KCNT1: variants seen among roughly 807,000 people sequenced by gnomAD.
The protein encoded by KCNT1 is potassium channel subfamily T member 1.
Under a neutral mutation model 147.8 loss-of-function variants are expected in KCNT1, and 78 were observed. The observed-to-expected ratio is 0.53, with a 90% CI of 0.44 to 0.64. KCNT1 has a LOEUF of 0.64. Ranked by LOEUF, KCNT1 falls within the 30% of genes least tolerant of loss-of-function variation. The pLI, the probability that KCNT1 is intolerant of heterozygous loss-of-function variation, is 0.00. For synonymous variants in KCNT1, 867 were observed against 748.8 expected (o/e 1.16, Z -2.58); for missense variants, 1,419 against 1,750.3 (o/e 0.81, Z 3.38).
rs1442612185 is a variant in KCNT1 at position 135,730,239 on chromosome 9, C to T, written c.254+15519C>T. 6.6e-6 allele frequency among the ~76,000 whole-genome samples: 1 copy of T among 152,200 alleles called. No homozygotes were observed. The highest frequency in any genetic ancestry group is 1.9e-4 in the East Asian group (1 of 5,188). ...AAAGGGGTTCCCTGGACTCCCCCTTCGGAGCATCAGGTGTGGACCCATGGA... is the reference window on the plus strand; with the variant it reads ...AAAGGGGTTCCCTGGACTCCCCCTTTGGAGCATCAGGTGTGGACCCATGGA... On this transcript the variant is annotated intron_variant, in intron 2 of 30. Transcript: ENST00000371757. This position sits in a 1 kb window ranked among gnomAD's most constrained non-coding sequence, Gnocchi z 4.7.
intron 4 of KCNT1, among the ~76,000 whole-genome samples, chr9:135,751,548 G>T (rs61340584): frequency 6.6e-6 from 1 of 152,180 alleles, no homozygotes; most frequent in Admixed American, 6.5e-5. Flanking sequence ...AATCTGCACC[G>T]TCAGGTCCTT....
At position 135,752,193 on chromosome 9, in the gene KCNT1, C is replaced by A. The variant is rs1231784726; in HGVS notation, c.434+1152C>A. The A allele has an allele frequency of 1.9e-5, 7 of 360,628 alleles. No individual in the cohort carries two copies. In the Admixed American group the frequency reaches 2.2e-4, roughly 11 times the overall value. 22.3% of individuals were successfully genotyped at this position (360,628 alleles called of 1,614,324 possible). On this transcript the variant is annotated intron_variant, in intron 4 of 30. Transcript: ENST00000371757. This position sits in a 1 kb window ranked among gnomAD's most constrained non-coding sequence, Gnocchi z 5.1. The stretch of plus-strand genomic sequence containing the variant: ...CATGCTGGTCCCCCCTCTGGCTGCG[C>A]AGAGCAGGTTCTTCCCTGGAGAGAA...
In KCNT1 at chr9:135,745,387, C is replaced by T. The variant is rs368901059; in HGVS notation, c.255-4711C>T. 6.2e-3 allele frequency among the ~76,000 whole-genome samples: 951 copies of T among 152,322 alleles called. 8 individuals are homozygous for T. Among genetic ancestry groups the T allele is most frequent in the South Asian group, 0.039 (190 of 4,820 alleles). ...CCCCTGCTTTCCCACCGGCCGGGCC[C>T]TGACAGGAAGCGGAGAGTGTGGCCC... On this transcript the variant is annotated intron_variant, in intron 2 of 30. Coordinates refer to ENST00000371757, the MANE Select transcript of KCNT1 (RefSeq NM_020822.3).
At position 135,779,371 on chromosome 9, in the gene KCNT1, C is replaced by T. The variant is rs770289140; in HGVS notation, c.2742C>T (p.Ser914=). Residue 914 remains serine, a synonymous_variant, in exon 24 of 31, where the codon AGC becomes AGT. Coordinates refer to ENST00000371757, the MANE Select transcript of KCNT1 (RefSeq NM_020822.3). The part of the protein sequence containing the change: ...NVQTMFRLFP[S]LSITTELTHP... ...CTGCCTCCCCCAGGCTCTTCCCCAG[C>T]CTCAGCATCACCACGGAGCTCACCC... 6.2e-7 allele frequency: 1 copy of T among 1,613,246 alleles called. No individual in the cohort carries two copies. The highest frequency in any genetic ancestry group is 8.5e-7 in the Non-Finnish European group (1 of 1,179,640).
chr9:135,785,647 G>T (rs1308041978), intron 28 of KCNT1: 2 of 562,374 alleles, frequency 3.6e-6, no homozygotes, highest in Non-Finnish European at 6.4e-6. Flanking sequence ...GGCCTGACCA[G>T]CCCCCAGCCT....
intron 20 of KCNT1, 38 bp from the exon 21 acceptor site, chr9:135,777,300 G>T (rs755469388): frequency 7.6e-6 from 12 of 1,575,802 alleles, no homozygotes; most frequent in South Asian, 1.1e-5. Flanking sequence ...AGGAACCACA[G>T]CCCTGACTCC....
In KCNT1 at chr9:135,752,302, C is replaced by T. The variant is rs1023497753; in HGVS notation, c.434+1261C>T. 15 of 452,904 alleles carry T rather than the reference C, an allele frequency of 3.3e-5. No individual in the cohort carries two copies. The highest frequency in any genetic ancestry group is 2.9e-4 in the Admixed American group (12 of 41,764). 28.1% of individuals were successfully genotyped at this position (452,904 alleles called of 1,614,324 possible). On this transcript the variant is annotated intron_variant, in intron 4 of 30. Coordinates refer to ENST00000371757, the MANE Select transcript of KCNT1 (RefSeq NM_020822.3). The surrounding 1 kb of genome is among the most constrained non-coding windows in gnomAD (Gnocchi z 5.1). ...CTCAATCCCCCTTTTCACCTGTTAC[C>T]CCGTCACAAGGGGGCCTGGCATCCC...
intron 24 of KCNT1, among the ~76,000 whole-genome samples, chr9:135,781,739 C>T (rs533493760): frequency 5.5e-4 from 84 of 152,082 alleles, no homozygotes; most frequent in African/African-American, 1.9e-3. Flanking sequence ...ATTCCAGGCA[C>T]GACTCCGGAA....
chr9:135,714,555 G>A lies in KCNT1; in HGVS notation c.111-22G>A. 1 of 1,125,264 alleles carries A rather than the reference G, an allele frequency of 8.9e-7. No individual in the cohort carries two copies. The allele number at this position is 1,125,264 out of a possible 1,614,324, so 69.7% of individuals were successfully genotyped here. On this transcript the variant is annotated intron_variant, in intron 1 of 30. Transcript: ENST00000371757. The surrounding 1 kb of genome is among the most constrained non-coding windows in gnomAD (Gnocchi z 6.2). Reference sequence around the variant, plus strand: ...GCGAGGGCGCCCGACGCGGGCTGAGGGGCGCTGGCGTGTGCCCGCAGGCGG... The same window carrying A: ...GCGAGGGCGCCCGACGCGGGCTGAGAGGCGCTGGCGTGTGCCCGCAGGCGG...
In KCNT1 at chr9:135,718,709, T is replaced by C. The variant is rs558604289; in HGVS notation, c.254+3989T>C. Among the ~76,000 whole-genome samples, 49 of 152,288 alleles carry C rather than the reference T, an allele frequency of 3.2e-4. 1 individual carries two copies. The highest frequency in any genetic ancestry group is 1.2e-3 in the African/African-American group (48 of 41,574). On this transcript the variant is annotated intron_variant, in intron 2 of 30. Coordinates refer to ENST00000371757, the MANE Select transcript of KCNT1 (RefSeq NM_020822.3). ...TATTTCTACCCTGGGGCAGGCTCTGTGAGGGAAGCGGGTGCTGCTGCCAAC... is the reference window on the plus strand; with the variant it reads ...TATTTCTACCCTGGGGCAGGCTCTGCGAGGGAAGCGGGTGCTGCTGCCAAC...
intron 29 of KCNT1, among the ~76,000 whole-genome samples, chr9:135,786,943 G>A (rs1028509621): frequency 4.6e-5 from 7 of 152,352 alleles, no homozygotes; most frequent in East Asian, 3.9e-4. Flanking sequence ...TCCCCAAGTC[G>A]AGGGCATCAG....
intron 2 of KCNT1, among the ~76,000 whole-genome samples, chr9:135,726,942 C>T (rs201737959): frequency 6.0e-4 from 2 of 3,316 alleles, no homozygotes; most frequent in Admixed American, 3.4e-3. Flanking sequence ...CCTCCCTCTC[C>T]CTCTCTTTCC....
chr9:135,728,359 G>A (rs567838555), intron 2 of KCNT1, among the ~76,000 whole-genome samples: 6 of 152,318 alleles, frequency 3.9e-5, no homozygotes, highest in South Asian at 2.1e-4. Context: ...GGAGAACATC[G>A]GGGCAGATTC....
chr9:135,743,939 A>C (rs2131389436), intron 2 of KCNT1, among the ~76,000 whole-genome samples: 1 of 152,344 alleles, frequency 6.6e-6, no homozygotes, highest in Non-Finnish European at 1.5e-5. Context: ...GGCTCAGAAT[A>C]GCTGGCCCCA....
At chr9:135,719,696 C>G (rs1835851397) in intron 2 of KCNT1, among the ~76,000 whole-genome samples, 1 of 152,178 alleles carries the variant, frequency 6.6e-6, no homozygotes, top group South Asian at 2.1e-4. Context: ...GGGCTTCCGG[C>G]AGGCAAGAGG....
intron 24 of KCNT1, among the ~76,000 whole-genome samples, chr9:135,780,877 C>T (rs983878494): frequency 2.8e-4 from 43 of 152,234 alleles, no homozygotes; most frequent in Non-Finnish European, 5.1e-4. Context: ...CCTGTGTGGA[C>T]AGGGATGCTG....
At chr9:135,726,458 G>C in intron 2 of KCNT1, among the ~76,000 whole-genome samples, 1 of 152,076 alleles carries the variant, frequency 6.6e-6, no homozygotes, top group East Asian at 1.9e-4. Context: ...TGTGGCCAGG[G>C]CCGCATCTTT....
In KCNT1 at chr9:135,704,237, T is replaced by C. The variant is rs542752384; in HGVS notation, c.110+1869T>C. Among the ~76,000 whole-genome samples the C allele has an allele frequency of 2.6e-3, 400 of 152,092 alleles. 2 individuals carry two copies. Among genetic ancestry groups the C allele is most frequent in the Admixed American group, 4.1e-3 (62 of 15,292 alleles). ...GTCCATAGGTCTTGGTGCCAGGCCT[T>C]GAGCAGGCCTCTGTCTTTCCTGGGT... On this transcript the variant is annotated intron_variant, in intron 1 of 30. Transcript: ENST00000371757.
chr9:135,754,958 T>C (rs1343530667), intron 5 of KCNT1, among the ~76,000 whole-genome samples, 163 bp from the exon 6 acceptor site: 2 of 152,114 alleles, frequency 1.3e-5, no homozygotes, highest in African/African-American at 4.8e-5. Context: ...CCCTCCTCCT[T>C]ATGGTCCCCT....
Sources: allele counts gnomAD v4.1 joint callset (sites outside exome capture counted in the v4.1 genomes callset), GRCh38; gene constraint gnomAD v4.1.1; non-coding constraint Gnocchi (gnomAD v3.1); transcripts MANE v1.5; gene names NCBI Gene and HGNC (gene_info 2026-07-23, HGNC 2026-07-21).